The following ZMYM2 variants were observed in gnomAD, a reference collection of about 807,000 sequenced individuals.
ZMYM2 encodes zinc finger MYM-type protein 2.
A neutral mutation model predicts 162.8 loss-of-function variants in ZMYM2; 56 were observed. The observed-to-expected ratio is 0.34, with a 90% confidence interval of 0.28 to 0.43. ZMYM2 has a LOEUF of 0.43. Ranked by LOEUF, ZMYM2 falls within the 20% of genes least tolerant of loss-of-function variation. The pLI is 1.00. For missense variants in ZMYM2, 1,275 were observed against 1,621.8 expected (o/e 0.79, Z 3.67); for synonymous variants, 510 against 541.6 (o/e 0.94, Z 0.81).
the ZMYM2 span, among the ~76,000 whole-genome samples, chr13:19,882,503 T>G: frequency 6.6e-6 from 1 of 152,094 alleles, no homozygotes; most frequent in South Asian, 2.1e-4. Context: ...TCCTAGCATT[T>G]TGGGAGACTA....
At chr13:20,015,211 T>G (rs150351220) in intron 6 of ZMYM2, among the ~76,000 whole-genome samples, 3 of 152,218 alleles carry the variant, frequency 2.0e-5, no homozygotes, top group Non-Finnish European at 4.4e-5. Context: ...GATTTCTTCT[T>G]TGAGCCATGT....
intron 12 of ZMYM2, among the ~76,000 whole-genome samples, chr13:20,041,743 A>G (rs1421872326): frequency 6.6e-6 from 1 of 152,170 alleles, no homozygotes; most frequent in African/African-American, 2.4e-5. Context: ...GTCTGGTGGT[A>G]ACAAATACCT....
the ZMYM2 span, among the ~76,000 whole-genome samples, chr13:19,920,910 A>G: frequency 6.6e-6 from 1 of 150,784 alleles, no homozygotes; most frequent in East Asian, 2.0e-4. Context: ...TTACAGGTGC[A>G]TGCCACCATG....
chr13:20,047,955 G>T (rs1343274977), intron 12 of ZMYM2, among the ~76,000 whole-genome samples: 1 of 151,966 alleles, frequency 6.6e-6, no homozygotes, highest in African/African-American at 2.4e-5. Flanking sequence ...TTTGATCTTT[G>T]TAAGTTTAAA....
Position 20,003,060 on chromosome 13 carries a change from T to A in ZMYM2, c.1058T>A (p.Leu353His). The A allele has an allele frequency of 6.2e-7, 1 of 1,614,192 alleles. No homozygotes were observed. The highest frequency in any genetic ancestry group is 8.5e-7 in the Non-Finnish European group (1 of 1,180,028). The change falls in exon 4 of 25, where the codon CTC becomes CAC. Residue 353 changes from leucine to histidine, a missense_variant. By Grantham distance (99) the Leu-to-His change is moderately conservative. Transcript: ENST00000610343. ...TATCAACGAAAAGGATCAGCTCACC[T>A]CTTTTGTTCTACCACCTGCCTTTCT... Reference protein sequence around the residue: ...TAYQRKGSAHLFCSTTCLSSF... With the variant: ...TAYQRKGSAHHFCSTTCLSSF...
the ZMYM2 span, among the ~76,000 whole-genome samples, chr13:19,915,399 GGCTT>G: frequency 2.6e-3 from 388 of 150,476 alleles, 1 homozygote; most frequent in African/African-American, 7.3e-3. Context: ...CTGCATGCTT[GGCTT>G]GCTTGCTTGC....
the ZMYM2 span, among the ~76,000 whole-genome samples, chr13:19,906,299 T>TATATATATAC: frequency 1.9e-5 from 2 of 102,810 alleles, no homozygotes; most frequent in African/African-American, 7.2e-5. Context: ...TATATATATA[T>TATATATATAC]ATATATATAT....
chr13:20,012,483 A>C (rs544742148), intron 6 of ZMYM2, among the ~76,000 whole-genome samples: 21 of 152,054 alleles, frequency 1.4e-4, no homozygotes, highest in Non-Finnish European at 2.6e-4. Flanking sequence ...CCCAGCTGGA[A>C]GTCTTAAATT....
chr13:19,971,699 C>T (rs112644061), intron 2 of ZMYM2, among the ~76,000 whole-genome samples: 5 of 151,920 alleles, frequency 3.3e-5, no homozygotes, highest in South Asian at 4.2e-4. Context: ...TGGACAATTT[C>T]GAGATTTATT....
chr13:19,893,925 C>T, the ZMYM2 span, among the ~76,000 whole-genome samples: 1 of 151,802 alleles, frequency 6.6e-6, no homozygotes, highest in African/African-American at 2.4e-5. Flanking sequence ...AGGCACACAC[C>T]ACCACGTTTG....
In ZMYM2 at chr13:20,067,227, A is replaced by G. The variant is rs983710155; in HGVS notation, c.3302-12A>G. 6.6e-7 allele frequency: 1 copy of G among 1,519,638 alleles called. No individual in the cohort carries two copies. Among genetic ancestry groups the G allele is most frequent in the African/African-American group, 1.4e-5 (1 of 71,918 alleles). The allele number at this position is 1,519,638 out of a possible 1,614,324, so 94.1% of individuals were successfully genotyped here. ...AATAATAACAATTATTTTTTATTTT[A>G]TGTATTTTTAGCTAAATCAGTAAAG... is the stretch of plus-strand genomic sequence containing the variant. On this transcript the variant is annotated splice_polypyrimidine_tract_variant and intron_variant, in intron 20 of 24. Coordinates refer to ENST00000610343, the MANE Select transcript of ZMYM2 (RefSeq NM_197968.4).
At chr13:19,983,663 C>T (rs761595646) in intron 2 of ZMYM2, among the ~76,000 whole-genome samples, 2 of 151,944 alleles carry the variant, frequency 1.3e-5, no homozygotes, top group Non-Finnish European at 2.9e-5. Flanking sequence ...GAGTCTCGCT[C>T]TCTTGCCCAG....
chr13:19,999,417 G>A (rs535642259), intron 3 of ZMYM2, among the ~76,000 whole-genome samples: 1 of 152,042 alleles, frequency 6.6e-6, no homozygotes, highest in Non-Finnish European at 1.5e-5. Flanking sequence ...TGTGATCAGT[G>A]ATCTTTGATG....
intron 2 of ZMYM2, among the ~76,000 whole-genome samples, chr13:19,982,613 A>G (rs1957450391): frequency 6.6e-6 from 1 of 152,136 alleles, no homozygotes. Context: ...GGTTGGTGCA[A>G]AAGTAATTGC....
At chr13:20,017,991 A>G (rs375680540) in intron 6 of ZMYM2, among the ~76,000 whole-genome samples, 2 of 152,118 alleles carry the variant, frequency 1.3e-5, no homozygotes, top group East Asian at 1.9e-4. Flanking sequence ...CATTTTGAGT[A>G]CTATGGTATT....
chr13:19,980,884 T>G (rs1325612893), intron 2 of ZMYM2, among the ~76,000 whole-genome samples: 1 of 152,018 alleles, frequency 6.6e-6, no homozygotes, highest in Non-Finnish European at 1.5e-5. Flanking sequence ...TTGCAGATAA[T>G]TTAGGGAAAA....
chr13:19,997,241 C>A (rs1950085553), intron 3 of ZMYM2, among the ~76,000 whole-genome samples: 1 of 152,084 alleles, frequency 6.6e-6, no homozygotes, highest in Admixed American at 6.6e-5. Context: ...ATGTAACATT[C>A]CCATATTTGG....
At chr13:19,872,891 T>C in the ZMYM2 span, among the ~76,000 whole-genome samples, 2 of 151,628 alleles carry the variant, frequency 1.3e-5, no homozygotes, top group South Asian at 4.2e-4. Flanking sequence ...CACAGTTATT[T>C]GGGAGGCTGA....
intron 24 of ZMYM2, among the ~76,000 whole-genome samples, chr13:20,084,790 G>A (rs770583805): frequency 6.6e-6 from 1 of 152,176 alleles, no homozygotes; most frequent in Non-Finnish European, 1.5e-5. Flanking sequence ...CAGAAGGTCA[G>A]CATGAATTCA....
Sources: gnomAD v4.1 joint callset for allele counts (sites outside exome capture counted in the v4.1 genomes callset) on GRCh38, gnomAD v4.1.1 for gene constraint, MANE v1.5 for transcripts, NCBI Gene and HGNC (gene_info 2026-07-23, HGNC 2026-07-21) for gene names.